Variants in TRPC4AP observed in about 807,000 individuals in gnomAD.
TRPC4AP encodes the protein short transient receptor potential channel 4-associated protein.
A neutral mutation model predicts 99.0 loss-of-function variants in TRPC4AP; 45 were observed. The observed-to-expected ratio is 0.45, with a 90% CI of 0.36 to 0.58. TRPC4AP has a LOEUF of 0.58. TRPC4AP is among the 20% of genes least tolerant of loss of function. The pLI is 0.00. For missense variants in TRPC4AP, 879 were observed against 985.3 expected, an observed-to-expected ratio of 0.89 and a Z score of 1.44; for synonymous variants, 408 against 385.8, an observed-to-expected ratio of 1.06 and a Z score of -0.67.
chr20:35,016,209 A>G lies in TRPC4AP; in HGVS notation c.1219-70T>C, dbSNP rs144344440. ...AAAAATCTAGCAAAACCTCGTGCTC[A>G]GTACACACGATAATGATATTCAGGA... is the stretch of plus-strand genomic sequence containing the variant. On this transcript the variant is annotated intron_variant, in intron 9 of 18. Coordinates refer to ENST00000252015, the MANE Select transcript of TRPC4AP (RefSeq NM_015638.3). 8.1e-5 allele frequency: 127 copies of G among 1,564,488 alleles called. 1 individual carries two copies. The East Asian group carries it at 2.4e-3, about 29-fold the overall frequency.
chr20:35,090,376 G>GTTTTTT (rs1166491454), intron 1 of TRPC4AP, among the ~76,000 whole-genome samples: 5 of 35,078 alleles, frequency 1.4e-4, no homozygotes, highest in Non-Finnish European at 1.5e-4. Context: ...TATCTGGTGA[G>GTTTTTT]CTTTTTTTTT....
At chr20:35,053,482 T>A (rs2083750733) in intron 5 of TRPC4AP, among the ~76,000 whole-genome samples, 1 of 152,256 alleles carries the variant, frequency 6.6e-6, no homozygotes, top group African/African-American at 2.4e-5. Context: ...TCTTCTTCTA[T>A]AAGGACAATT....
At chr20:35,080,804 GTT>G (rs34370030) in intron 1 of TRPC4AP, among the ~76,000 whole-genome samples, 16 of 49,560 alleles carry the variant, frequency 3.2e-4, no homozygotes, top group African/African-American at 8.1e-4. Flanking sequence ...GTACACTTCA[GTT>G]TTTTTTTTTT....
At chr20:35,027,785 A>C (rs1376333953) in intron 8 of TRPC4AP, among the ~76,000 whole-genome samples, 1 of 152,034 alleles carries the variant, frequency 6.6e-6, no homozygotes, top group Non-Finnish European at 1.5e-5. Flanking sequence ...TATTTAGTTT[A>C]TTGGCTTATA....
chr20:35,024,182 A>C (rs1260903641), intron 8 of TRPC4AP, among the ~76,000 whole-genome samples: 1 of 150,454 alleles, frequency 6.6e-6, no homozygotes, highest in East Asian at 1.9e-4. Flanking sequence ...CATGCAATTC[A>C]CCCATTTAGT....
chr20:35,016,273 A>C, intron 9 of TRPC4AP, 134 bp from the exon 10 acceptor site: 2 of 1,052,134 alleles, frequency 1.9e-6, no homozygotes, highest in Admixed American at 2.1e-5. Flanking sequence ...CCAGGGTCTG[A>C]AGAAAACATC....
chr20:35,076,321 T>C (rs940777049), intron 2 of TRPC4AP, among the ~76,000 whole-genome samples: 2 of 152,200 alleles, frequency 1.3e-5, no homozygotes, highest in East Asian at 1.9e-4. Context: ...CTGTGTTCCT[T>C]TGGAGGAGAA....
intron 1 of TRPC4AP, 93 bp downstream of exon 1, chr20:35,092,521 G>A (rs1186863476): frequency 8.1e-6 from 11 of 1,362,826 alleles, no homozygotes; most frequent in Admixed American, 3.5e-5. Flanking sequence ...GCTTTGGCCC[G>A]TCCAGCGGCG....
chr20:35,077,938 T>C (rs1028492043), intron 2 of TRPC4AP, 108 bp downstream of exon 2: 55 of 1,307,206 alleles, frequency 4.2e-5, no homozygotes, highest in Non-Finnish European at 4.9e-5. Context: ...GCTCACACAG[T>C]AAAAACAGGC....
At chr20:35,049,778 T>TA (rs2083651785) in intron 6 of TRPC4AP, 88 bp downstream of exon 6, 8 of 1,428,520 alleles carry the variant, frequency 5.6e-6, no homozygotes, top group Admixed American at 2.5e-5. Flanking sequence ...CACTTTCTTT[T>TA]AAAAAAGCTC....
At chr20:35,011,941 C>A (rs17092221) in intron 11 of TRPC4AP, among the ~76,000 whole-genome samples, 6,499 of 152,272 alleles carry the variant, frequency 0.043, 459 homozygotes, top group African/African-American at 0.15. Context: ...TAATGCTCAA[C>A]GGTGGAATCC....
chr20:35,044,683 A>G lies in TRPC4AP; in HGVS notation c.687T>C (p.Asn229=), dbSNP rs2083519025. 6.2e-7 allele frequency: 1 copy of G among 1,614,216 alleles called. No homozygotes were observed. Among genetic ancestry groups the G allele is most frequent in the African/African-American group, 1.3e-5 (1 of 75,066 alleles). Reference sequence around the variant, plus strand: ...CGAAATTGGATACTAAGGAACTCAGATTGGGGACTTCATCTAGTCGGATCA... The same window carrying G: ...CGAAATTGGATACTAAGGAACTCAGGTTGGGGACTTCATCTAGTCGGATCA... The part of the protein sequence containing the change: ...KEMIRLDEVP[N]LSSLVSNFDQ... The change falls in exon 7 of 19, where the codon AAT becomes AAC. Residue 229 remains asparagine (N), a synonymous_variant. Coordinates refer to ENST00000252015, the MANE Select transcript of TRPC4AP (RefSeq NM_015638.3).
rs576302321 is a variant in TRPC4AP at position 35,075,512 on chromosome 20, T to A, written c.297+2534A>T. Reference sequence around the variant, plus strand: ...TAAAGGATTTTACTTCTCCTTCACTTATGAAGCTTAGTTTGGCTGGATATG... The same window carrying A: ...TAAAGGATTTTACTTCTCCTTCACTAATGAAGCTTAGTTTGGCTGGATATG... On this transcript the variant is annotated intron_variant, in intron 2 of 18. Coordinates refer to ENST00000252015, the MANE Select transcript of TRPC4AP (RefSeq NM_015638.3). Among the ~76,000 whole-genome samples, 26 of 152,312 alleles carry A rather than the reference T, an allele frequency of 1.7e-4. No individual in the cohort carries two copies. The South Asian group carries it at 5.4e-3, about 32-fold the overall frequency.
At chr20:35,054,428 G>T (rs898062960) in intron 5 of TRPC4AP, among the ~76,000 whole-genome samples, 6 of 152,068 alleles carry the variant, frequency 3.9e-5, no homozygotes, top group African/African-American at 1.2e-4. Flanking sequence ...CATTCTATTG[G>T]TAAGAAACTA....
Position 35,004,467 on chromosome 20 carries a change from C to G in TRPC4AP, c.2040G>C (p.Thr680=), listed in dbSNP as rs755509676. 1.6e-5 allele frequency: 26 copies of G among 1,613,162 alleles called. No homozygotes were observed. The highest frequency in any genetic ancestry group is 2.2e-5 in the Non-Finnish European group (26 of 1,179,540). ...TGCCGGGGCCTCTCACCTGGGTCAG[C>G]GTCTGCACGTGGATGATGTTGATGA... The part of the protein sequence containing the change: ...FRLINIIHVQ[T]LTQENVSCLN... The change falls in exon 17 of 19, where the codon ACG becomes ACC. Residue 680 remains threonine, a synonymous_variant. Coordinates refer to ENST00000252015, the MANE Select transcript of TRPC4AP (RefSeq NM_015638.3).
intron 13 of TRPC4AP, 21 bp downstream of exon 13, chr20:35,008,643 G>C: frequency 6.2e-7 from 1 of 1,609,122 alleles, no homozygotes; most frequent in South Asian, 1.1e-5. Context: ...AGAATCGGCA[G>C]GTACTTTTCC....
In TRPC4AP at chr20:35,015,461, C is replaced by CTTT. The variant is rs57896641; in HGVS notation, c.1350+544_1350+546dup. Among the ~76,000 whole-genome samples the CTTT allele has an allele frequency of 3.6e-3, 453 of 126,082 alleles. 15 individuals are homozygous for CTTT. The highest frequency in any genetic ancestry group is 0.013 in the Middle Eastern group (3 of 240). The allele number at this position is 126,082 out of a possible 152,430, so 82.7% of individuals were successfully genotyped here. On this transcript the variant is annotated intron_variant, in intron 10 of 18. Coordinates refer to ENST00000252015, the MANE Select transcript of TRPC4AP (RefSeq NM_015638.3). ...TTGGCTAGAGGGCCTCAGGCAGGAA[C>CTTT]TTTTTTTTTTTTTTTTTTTGAGACA...
At chr20:35,014,144 C>A (rs1458556657) in intron 10 of TRPC4AP, among the ~76,000 whole-genome samples, 4 of 152,066 alleles carry the variant, frequency 2.6e-5, no homozygotes, top group African/African-American at 9.7e-5. Flanking sequence ...AGCCACCATG[C>A]CCGGGAGCAC....
intron 11 of TRPC4AP, 42 bp from the exon 12 acceptor site, chr20:35,010,330 G>C (rs1462969994): frequency 3.2e-6 from 5 of 1,553,694 alleles, no homozygotes; most frequent in Non-Finnish European, 2.7e-6. Flanking sequence ...ACAGGAACTG[G>C]GGCTGCTGGG....
Sources: gnomAD v4.1 joint callset for allele counts (sites outside exome capture counted in the v4.1 genomes callset) on GRCh38, gnomAD v4.1.1 for gene constraint, MANE v1.5 for transcripts, NCBI Gene and HGNC (gene_info 2026-07-23, HGNC 2026-07-21) for gene names.